The following CALN1 variants were observed in gnomAD, a reference collection of about 807,000 sequenced individuals.
The protein encoded by CALN1 is calcium-binding protein 8.
A neutral mutation model predicts 30.6 loss-of-function variants in CALN1; 17 were observed. That is an observed-to-expected ratio of 0.56 (90% confidence interval 0.38 to 0.83). The LOEUF (loss-of-function observed/expected upper bound fraction) is 0.83. Among genes scored for constraint, CALN1 ranks in the 40% least tolerant of loss-of-function variants. CALN1 has a pLI of 0.00. For synonymous variants in CALN1, 156 were observed against 131.4 expected, an observed-to-expected ratio of 1.19 and a Z score of -1.28; for missense variants, 291 against 354.9, an observed-to-expected ratio of 0.82 and a Z score of 1.45.
At chr7:72,164,324 C>G (rs1288170956) in intron 3 of CALN1, among the ~76,000 whole-genome samples, 2 of 148,072 alleles carry the variant, frequency 1.4e-5, no homozygotes, top group Non-Finnish European at 3.0e-5. Context: ...GCACTCCAGC[C>G]TGGGTGACAA....
chr7:71,964,911 T>A (rs1000883403), intron 5 of CALN1, among the ~76,000 whole-genome samples: 11 of 152,214 alleles, frequency 7.2e-5, no homozygotes, highest in Admixed American at 7.2e-4. Context: ...ATGGTTTCAC[T>A]GACTTGGGCT....
intron 5 of CALN1, among the ~76,000 whole-genome samples, chr7:71,933,994 G>A (rs899862972): frequency 1.3e-5 from 2 of 152,116 alleles, no homozygotes; most frequent in African/African-American, 2.4e-5. Context: ...AGCTTCAGTC[G>A]GGGGCTGCCA....
At chr7:72,353,791 A>G (rs528404517) in intron 2 of CALN1, among the ~76,000 whole-genome samples, 56 of 152,344 alleles carry the variant, frequency 3.7e-4, no homozygotes, top group Non-Finnish European at 6.0e-4. Context: ...ATGATTGTGT[A>G]AATTAAAAAA....
intron 4 of CALN1, among the ~76,000 whole-genome samples, chr7:72,038,836 C>T (rs1374868749): frequency 2.0e-5 from 3 of 152,180 alleles, no homozygotes; most frequent in African/African-American, 7.2e-5. Flanking sequence ...AAAGGGGAGG[C>T]ATAAATAATC....
At chr7:72,089,885 G>T (rs964357820) in intron 4 of CALN1, among the ~76,000 whole-genome samples, 2 of 152,180 alleles carry the variant, frequency 1.3e-5, no homozygotes, top group Non-Finnish European at 2.9e-5. Context: ...GTAATGTGAA[G>T]ATAACTTCTA....
chr7:72,372,036 C>T (rs1248555836), intron 2 of CALN1, among the ~76,000 whole-genome samples: 2 of 152,156 alleles, frequency 1.3e-5, no homozygotes, highest in Non-Finnish European at 2.9e-5. Context: ...TCAATATCGC[C>T]TGAAAGTTGA....
At chr7:72,003,360 T>C (rs1405032886) in intron 5 of CALN1, among the ~76,000 whole-genome samples, 2 of 152,158 alleles carry the variant, frequency 1.3e-5, no homozygotes, top group Admixed American at 1.3e-4. Flanking sequence ...GACATATTGC[T>C]TTCATGGATG....
intron 2 of CALN1, among the ~76,000 whole-genome samples, chr7:72,335,841 G>A (rs796857618): frequency 6.6e-5 from 10 of 152,264 alleles, no homozygotes; most frequent in African/African-American, 2.4e-4. Context: ...CCCCCAGCCC[G>A]TCTGGATGGG....
intron 2 of CALN1, among the ~76,000 whole-genome samples, chr7:72,397,293 A>G (rs767114609): frequency 2.0e-5 from 3 of 152,218 alleles, no homozygotes; most frequent in Admixed American, 6.5e-5. Context: ...GATGCCAGAG[A>G]GAGGCAGGTT....
intron 1 of CALN1, among the ~76,000 whole-genome samples, chr7:72,403,984 G>A (rs1806528709): frequency 6.6e-6 from 1 of 152,106 alleles, no homozygotes; most frequent in African/African-American, 2.4e-5. Flanking sequence ...ATCCAAGATG[G>A]CATCCCATTA....
At chr7:72,374,549 G>GAA (rs1444120293) in intron 2 of CALN1, among the ~76,000 whole-genome samples, 1 of 122,038 alleles carries the variant, frequency 8.2e-6, no homozygotes, top group Admixed American at 8.2e-5. Flanking sequence ...AAAAAAAAAG[G>GAA]AAAAAAAAGA....
intron 3 of CALN1, among the ~76,000 whole-genome samples, chr7:72,237,969 AT>A (rs1794582439): frequency 6.6e-6 from 1 of 152,192 alleles, no homozygotes; most frequent in East Asian, 1.9e-4. Context: ...AAGTTGATGA[AT>A]GTATAAATCT....
intron 2 of CALN1, chr7:72,336,743 C>G (rs1229302034): frequency 3.0e-6 from 3 of 985,336 alleles, no homozygotes; most frequent in Non-Finnish European, 3.6e-6. Context: ...GCAGCCGAGG[C>G]GCCTCCGCAC....
chr7:71,798,950 C>T lies in CALN1; in HGVS notation c.659-11048G>A, dbSNP rs777247346. Among the ~76,000 whole-genome samples the T allele has an allele frequency of 2.0e-5, 3 of 151,838 alleles. No homozygotes were observed. In the South Asian group the frequency reaches 6.2e-4, roughly 31 times the overall value. ...AGAGTCTTGATGAATATCCTTGATA[C>T]CCCCAATGTGGGCAGTGATTTGACT... On this transcript the variant is annotated intron_variant, in intron 6 of 6. Transcript: ENST00000395275.
intron 2 of CALN1, among the ~76,000 whole-genome samples, chr7:72,291,690 G>C (rs772678417): frequency 6.6e-6 from 1 of 152,182 alleles, no homozygotes; most frequent in African/African-American, 2.4e-5. Flanking sequence ...AGTGAAAACT[G>C]TAACCTCCAC....
chr7:71,890,535 C>T (rs920200016), intron 5 of CALN1, among the ~76,000 whole-genome samples: 11 of 151,888 alleles, frequency 7.2e-5, no homozygotes, highest in African/African-American at 2.7e-4. Flanking sequence ...AAAGACCTTT[C>T]ATTACAGTAG....
intron 1 of CALN1, among the ~76,000 whole-genome samples, chr7:72,439,004 C>T (rs1010378384): frequency 6.6e-6 from 1 of 152,108 alleles, no homozygotes. Context: ...GGTGCTGCTC[C>T]CCCTACCCCA....
intron 5 of CALN1, among the ~76,000 whole-genome samples, chr7:71,959,514 G>C (rs780067180): frequency 6.6e-6 from 1 of 152,146 alleles, no homozygotes; most frequent in Admixed American, 6.5e-5. Flanking sequence ...ATAGAGCATA[G>C]GGGTATACCA....
At chr7:72,427,712 C>A (rs1178260164) in intron 1 of CALN1, among the ~76,000 whole-genome samples, 1 of 151,682 alleles carries the variant, frequency 6.6e-6, no homozygotes, top group Non-Finnish European at 1.5e-5. Flanking sequence ...AACTCCTGGC[C>A]TCAAACAATC....
Sources: allele counts gnomAD v4.1 joint callset (sites outside exome capture counted in the v4.1 genomes callset), GRCh38; gene constraint gnomAD v4.1.1; transcripts MANE v1.5; gene names NCBI Gene and HGNC (gene_info 2026-07-23, HGNC 2026-07-21).